The following NKAIN3 variants were observed in gnomAD, a reference collection of about 807,000 sequenced individuals.
NKAIN3 encodes sodium/potassium transporting ATPase interacting 3.
A neutral mutation model predicts 30.2 loss-of-function variants in NKAIN3; 25 were observed. The observed-to-expected ratio is 0.83, with a 90% CI of 0.60 to 1.16. The LOEUF (loss-of-function observed/expected upper bound fraction) is 1.16, where lower values mean the gene tolerates loss of function less well. Among genes scored for constraint, NKAIN3 ranks in the 50% most tolerant of loss-of-function variants. The pLI, the probability that NKAIN3 is intolerant of heterozygous loss-of-function variation, is 0.00. For missense variants in NKAIN3, 225 were observed against 254.1 expected, an observed-to-expected ratio of 0.89 and a Z score of 0.78; for synonymous variants, 91 against 89.6, an observed-to-expected ratio of 1.02 and a Z score of -0.09.
At chr8:62,322,270 G>A (rs1331943903) in intron 1 of NKAIN3, among the ~76,000 whole-genome samples, 2 of 152,188 alleles carry the variant, frequency 1.3e-5, no homozygotes, top group African/African-American at 2.4e-5. Context: ...GACCCTTTGT[G>A]TTTCCTGGGT....
At chr8:62,710,790 T>G (rs901452445) in intron 3 of NKAIN3, among the ~76,000 whole-genome samples, 2 of 152,300 alleles carry the variant, frequency 1.3e-5, no homozygotes, top group South Asian at 4.1e-4. Flanking sequence ...TGTTTCTTTT[T>G]CTTTTTTGTT....
At chr8:62,561,725 C>T (rs1052570690) in intron 1 of NKAIN3, among the ~76,000 whole-genome samples, 1 of 152,030 alleles carries the variant, frequency 6.6e-6, no homozygotes, top group Admixed American at 6.6e-5. Context: ...ATAATGCCAA[C>T]CACAAAATAA....
chr8:62,501,130 G>A (rs1226330732), intron 1 of NKAIN3, among the ~76,000 whole-genome samples: 2 of 152,040 alleles, frequency 1.3e-5, no homozygotes, highest in African/African-American at 4.8e-5. Flanking sequence ...GAAAAGCAAA[G>A]ATCATTTATA....
chr8:62,399,656 T>C (rs974444696), intron 1 of NKAIN3, among the ~76,000 whole-genome samples: 37 of 152,334 alleles, frequency 2.4e-4, no homozygotes, highest in African/African-American at 8.4e-4. Flanking sequence ...AAGGAGCTTT[T>C]GGTACAATTC....
At chr8:62,597,467 CT>C (rs1276601978) in intron 3 of NKAIN3, among the ~76,000 whole-genome samples, 3 of 151,824 alleles carry the variant, frequency 2.0e-5, no homozygotes, top group Non-Finnish European at 4.4e-5. Flanking sequence ...TGATAGTCGG[CT>C]TTTATTTTCA....
chr8:62,573,702 GTTTTA>G (rs1810018619), intron 1 of NKAIN3, among the ~76,000 whole-genome samples: 1 of 151,730 alleles, frequency 6.6e-6, no homozygotes, highest in African/African-American at 2.4e-5. Context: ...AGATTTTCAA[GTTTTA>G]TTTTATTTTG....
At chr8:62,291,656 A>G (rs1813638096) in intron 1 of NKAIN3, among the ~76,000 whole-genome samples, 1 of 152,118 alleles carries the variant, frequency 6.6e-6, no homozygotes, top group East Asian at 1.9e-4. Context: ...TTTACTTCGA[A>G]CTATGTGGTC....
chr8:62,470,845 C>A (rs560238475), intron 1 of NKAIN3, among the ~76,000 whole-genome samples: 1 of 151,024 alleles, frequency 6.6e-6, no homozygotes, highest in East Asian at 2.0e-4. Context: ...AAAAAAAAAA[C>A]AACTTAGGTT....
At chr8:62,713,972 T>C (rs1402022140) in intron 3 of NKAIN3, among the ~76,000 whole-genome samples, 1 of 152,138 alleles carries the variant, frequency 6.6e-6, no homozygotes, top group African/African-American at 2.4e-5. Flanking sequence ...TTTATCCAGA[T>C]AGTATAATAT....
chr8:62,559,377 G>A (rs1395336520), intron 1 of NKAIN3, among the ~76,000 whole-genome samples: 1 of 151,808 alleles, frequency 6.6e-6, no homozygotes, highest in Non-Finnish European at 1.5e-5. Flanking sequence ...TCTGACAATT[G>A]TTTTATTGAT....
At chr8:62,357,231 A>C (rs144039321) in intron 1 of NKAIN3, among the ~76,000 whole-genome samples, 394 of 152,172 alleles carry the variant, frequency 2.6e-3, no homozygotes, top group Non-Finnish European at 4.0e-3. Context: ...ACATATTGGG[A>C]CCCTGTCCCC....
chr8:62,296,636 C>T (rs547073833), intron 1 of NKAIN3, among the ~76,000 whole-genome samples: 1 of 152,198 alleles, frequency 6.6e-6, no homozygotes, highest in African/African-American at 2.4e-5. Context: ...CTTAAATTTT[C>T]ACAGTTTAGT....
chr8:62,412,923 A>G (rs77036370), intron 1 of NKAIN3, among the ~76,000 whole-genome samples: 2 of 109,712 alleles, frequency 1.8e-5, no homozygotes, highest in South Asian at 3.1e-4. Flanking sequence ...AAAAAAAAAC[A>G]AAAAAAAAAA....
At chr8:62,715,723 A>G (rs971436042) in intron 3 of NKAIN3, among the ~76,000 whole-genome samples, 1 of 152,134 alleles carries the variant, frequency 6.6e-6, no homozygotes, top group African/African-American at 2.4e-5. Flanking sequence ...ACTGCCTTAG[A>G]TGTGGATTTA....
chr8:62,483,747 G>T, intron 1 of NKAIN3: 1 of 298,100 alleles, frequency 3.4e-6, no homozygotes, highest in Non-Finnish European at 6.6e-6. Flanking sequence ...TGTTGCGGGA[G>T]GCTTTCATTC....
chr8:62,316,240 G>A (rs1814622038), intron 1 of NKAIN3, among the ~76,000 whole-genome samples: 1 of 152,044 alleles, frequency 6.6e-6, no homozygotes, highest in Non-Finnish European at 1.5e-5. Context: ...CATGAAAACG[G>A]ACTAATACAG....
At chr8:62,820,132 A>G (rs1437777033) in intron 4 of NKAIN3, among the ~76,000 whole-genome samples, 1 of 152,166 alleles carries the variant, frequency 6.6e-6, no homozygotes, top group Non-Finnish European at 1.5e-5. Context: ...CCCCACAAAG[A>G]ATTTTACTGT....
At chr8:62,885,226 G>T (rs188646068) in intron 4 of NKAIN3, among the ~76,000 whole-genome samples, 2 of 152,020 alleles carry the variant, frequency 1.3e-5, no homozygotes, top group East Asian at 1.9e-4. Context: ...TTCCTTTGAG[G>T]CTTCTTCTTT....
chr8:62,333,086 A>G (rs984406274), intron 1 of NKAIN3, among the ~76,000 whole-genome samples: 4 of 152,116 alleles, frequency 2.6e-5, no homozygotes, highest in African/African-American at 9.7e-5. Context: ...ACTTTAAAAG[A>G]TATTTTTGAT....
Sources: allele counts gnomAD v4.1 joint callset (sites outside exome capture counted in the v4.1 genomes callset), GRCh38; gene constraint gnomAD v4.1.1; transcripts MANE v1.5; gene names NCBI Gene and HGNC (gene_info 2026-07-23, HGNC 2026-07-21).